Variants in CNTNAP2 observed in about 807,000 individuals in gnomAD.
CNTNAP2 encodes the protein contactin associated protein 2, also known as contactin-associated protein-like 2.
In CNTNAP2, 98 loss-of-function variants were observed where a neutral mutation model predicts 155.2. That is an observed-to-expected ratio of 0.63 (90% CI 0.54 to 0.75). CNTNAP2 has a LOEUF of 0.75. Ranked by LOEUF, CNTNAP2 falls within the 30% of genes least tolerant of loss-of-function variation. The pLI is 0.00. For synonymous variants in CNTNAP2, 651 were observed against 631.2 expected, an observed-to-expected ratio of 1.03 and a Z score of -0.47; for missense variants, 1,727 against 1,688.1, an observed-to-expected ratio of 1.02 and a Z score of -0.40.
intron 4 of CNTNAP2, among the ~76,000 whole-genome samples, chr7:147,056,934 C>T (rs1393290031): frequency 6.6e-6 from 1 of 151,824 alleles, no homozygotes. Flanking sequence ...CCATCCCTAG[C>T]TTATTTTTTT....
At chr7:147,283,856 T>C (rs1051820225) in intron 8 of CNTNAP2, among the ~76,000 whole-genome samples, 1 of 151,928 alleles carries the variant, frequency 6.6e-6, no homozygotes, top group Non-Finnish European at 1.5e-5. Context: ...AAGATCTTAG[T>C]TCTTTCTATG....
At chr7:147,248,815 C>T (rs972621334) in intron 8 of CNTNAP2, among the ~76,000 whole-genome samples, 1 of 152,114 alleles carries the variant, frequency 6.6e-6, no homozygotes, top group Admixed American at 6.6e-5. Flanking sequence ...TAGAACTTTG[C>T]ATATTATTTA....
rs373763661 is a variant in CNTNAP2, at chr7:147,801,517, T to C, written c.2099-102048T>C. On this transcript the variant is annotated intron_variant, in intron 13 of 23. Transcript: ENST00000361727. Reference sequence around the variant, plus strand: ...CTGGGTACTTGAGATTAGGGAGTGGTGATGATTCTTAACGAGCATGCTGCC... The same window carrying C: ...CTGGGTACTTGAGATTAGGGAGTGGCGATGATTCTTAACGAGCATGCTGCC... Among the ~76,000 whole-genome samples the C allele has an allele frequency of 3.5e-4, 53 of 151,780 alleles. No individual in the cohort carries two copies. In the South Asian group the frequency reaches 0.011, roughly 30 times the overall value.
intron 2 of CNTNAP2, among the ~76,000 whole-genome samples, chr7:146,794,298 T>C (rs1032196938): frequency 2.6e-5 from 4 of 152,342 alleles, no homozygotes; most frequent in Admixed American, 6.5e-5. Context: ...TTCTGTTTAT[T>C]ATCACAGTAA....
intron 3 of CNTNAP2, among the ~76,000 whole-genome samples, chr7:146,964,962 AAAAAC>A (rs202107071): frequency 0.039 from 5,940 of 152,244 alleles, 133 homozygotes; most frequent in South Asian, 0.075. Flanking sequence ...AATTTATAAA[AAAAAC>A]AAAACAAAAC....
At chr7:147,449,146 G>C (rs1219926097) in intron 10 of CNTNAP2, among the ~76,000 whole-genome samples, 1 of 152,008 alleles carries the variant, frequency 6.6e-6, no homozygotes, top group African/African-American at 2.4e-5. Context: ...CTATTGAAAG[G>C]GTAACCACAT....
intron 1 of CNTNAP2, among the ~76,000 whole-genome samples, chr7:146,751,015 TG>T (rs1236854708): frequency 1.3e-5 from 2 of 152,154 alleles, no homozygotes; most frequent in African/African-American, 4.8e-5. Context: ...GATAATTAAA[TG>T]TTTACAAGTG....
intron 13 of CNTNAP2, among the ~76,000 whole-genome samples, chr7:147,664,323 TGAA>T (rs574499840): frequency 7.0e-4 from 107 of 152,200 alleles, no homozygotes; most frequent in Non-Finnish European, 1.3e-3. Flanking sequence ...ACAGGAAGAG[TGAA>T]GAAGAGAACG....
rs397889433 is a variant in CNTNAP2, at chr7:147,028,959, C to CTTTTTT, written c.403-14931_403-14926dup. Among the ~76,000 whole-genome samples the CTTTTTT allele has an allele frequency of 2.3e-4, 24 of 103,742 alleles. 1 individual carries two copies. The highest frequency in any genetic ancestry group is 5.8e-4 in the African/African-American group (14 of 23,970). The allele number at this position is 103,742 out of a possible 152,430, so 68.1% of individuals were successfully genotyped here. A position where few individuals can be genotyped will look rare whatever the true frequency, so the allele number is the denominator to read the frequency against. On this transcript the variant is annotated intron_variant, in intron 3 of 23. Coordinates refer to ENST00000361727, the MANE Select transcript of CNTNAP2 (RefSeq NM_014141.6). The stretch of plus-strand genomic sequence containing the variant: ...AGACATATGCAAAATAAGATATGTT[C>CTTTTTT]TTTTTTTTTTTTTTTTTTTTTTGAG...
intron 3 of CNTNAP2, among the ~76,000 whole-genome samples, chr7:146,932,354 G>A (rs1482232697): frequency 6.6e-6 from 1 of 151,796 alleles, no homozygotes; most frequent in Non-Finnish European, 1.5e-5. Flanking sequence ...TATCTCAATA[G>A]ATGCAGAAAA....
rs546601435 is a variant in CNTNAP2, at chr7:146,838,199, T to A, written c.209-1512T>A. Among the ~76,000 whole-genome samples, 3 of 152,306 alleles carry A rather than the reference T, an allele frequency of 2.0e-5. No homozygotes were observed. In the East Asian group the frequency reaches 5.8e-4, roughly 29 times the overall value. On this transcript the variant is annotated intron_variant, in intron 2 of 23. Transcript: ENST00000361727. ...CTTCCATATGCCATGATCCAGAAAG[T>A]GAAGCTAGCAGAAAGCCAGGAAGTT...
intron 3 of CNTNAP2, among the ~76,000 whole-genome samples, chr7:147,018,673 T>C (rs1584786108): frequency 6.6e-6 from 1 of 152,068 alleles, no homozygotes; most frequent in Admixed American, 6.6e-5. Context: ...AAAAGTCATA[T>C]GCAATTGCAA....
intron 18 of CNTNAP2, among the ~76,000 whole-genome samples, chr7:148,192,332 T>C (rs1795211494): frequency 6.6e-6 from 1 of 152,222 alleles, no homozygotes. Flanking sequence ...TAAATGAGAA[T>C]ATGCAGTATT....
intron 3 of CNTNAP2, among the ~76,000 whole-genome samples, chr7:146,971,189 C>T (rs140804601): frequency 0.012 from 1,698 of 147,156 alleles, 34 homozygotes; most frequent in African/African-American, 0.04. Context: ...CACATGTACC[C>T]TAAAACTTAA....
intron 18 of CNTNAP2, among the ~76,000 whole-genome samples, chr7:148,211,458 C>T (rs770640644): frequency 2.6e-5 from 4 of 152,212 alleles, no homozygotes; most frequent in Admixed American, 6.5e-5. Flanking sequence ...GGATAGAGCA[C>T]GTGCATGAGG....
At chr7:147,552,203 G>A (rs1018653240) in intron 11 of CNTNAP2, among the ~76,000 whole-genome samples, 16 of 151,992 alleles carry the variant, frequency 1.1e-4, no homozygotes, top group Admixed American at 5.2e-4. Context: ...AGTTATATGC[G>A]AGTTTAAACA....
intron 14 of CNTNAP2, among the ~76,000 whole-genome samples, chr7:147,959,584 G>T (rs1176789227): frequency 6.6e-6 from 1 of 152,166 alleles, no homozygotes; most frequent in Non-Finnish European, 1.5e-5. Context: ...ACTCGGGGCA[G>T]TTCTGCAGTC....
intron 1 of CNTNAP2, among the ~76,000 whole-genome samples, chr7:146,219,700 A>AT (rs375770221): frequency 5.5e-4 from 84 of 152,084 alleles, no homozygotes; most frequent in African/African-American, 1.8e-3. Context: ...GATTTATGTG[A>AT]TTTTTTTTAC....
rs187410260 is a variant in CNTNAP2, at chr7:147,282,904, G to A, written c.1349-17237G>A. On this transcript the variant is annotated intron_variant, in intron 8 of 23. Transcript: ENST00000361727. ...AACCACTTCACCCAGCCACCATTAAGTTTACAAATGAAATTAGACATAATT... is the reference window on the plus strand; with the variant it reads ...AACCACTTCACCCAGCCACCATTAAATTTACAAATGAAATTAGACATAATT... 4.4e-3 allele frequency among the ~76,000 whole-genome samples: 672 copies of A among 151,874 alleles called. 7 individuals carry two copies. Among genetic ancestry groups the A allele is most frequent in the African/African-American group, 0.015 (639 of 41,474 alleles).
Sources: allele counts gnomAD v4.1 joint callset (sites outside exome capture counted in the v4.1 genomes callset), GRCh38; gene constraint gnomAD v4.1.1; transcripts MANE v1.5; gene names NCBI Gene and HGNC (gene_info 2026-07-23, HGNC 2026-07-21).